Variants in ATP6V0A1 observed in about 807,000 individuals in gnomAD.
ATP6V0A1 encodes V-type proton ATPase 116 kDa subunit a 1.
In ATP6V0A1, 43 loss-of-function variants were observed where a neutral mutation model predicts 105.4. That is an observed-to-expected ratio of 0.41 (90% CI 0.32 to 0.53). The LOEUF is 0.53. Among genes scored for constraint, ATP6V0A1 ranks in the 20% least tolerant of loss-of-function variants. ATP6V0A1 has a pLI of 0.30. For synonymous variants in ATP6V0A1, 362 were observed against 372.8 expected, an observed-to-expected ratio of 0.97 and a Z score of 0.33; for missense variants, 676 against 1,051.1, an observed-to-expected ratio of 0.64 and a Z score of 4.93.
At chr17:42,504,699 G>A (rs1236234054) in intron 17 of ATP6V0A1, among the ~76,000 whole-genome samples, 1 of 152,178 alleles carries the variant, frequency 6.6e-6, no homozygotes, top group South Asian at 2.1e-4. Flanking sequence ...AGAAATAAAA[G>A]TGGCCCATAA....
chr17:42,494,198 G>A, intron 11 of ATP6V0A1, 136 bp from the exon 12 acceptor site: 1 of 846,580 alleles, frequency 1.2e-6, no homozygotes. Context: ...AGCCAAGATT[G>A]AGACATTGCT....
At chr17:42,489,644 C>T (rs1025529282) in intron 10 of ATP6V0A1, among the ~76,000 whole-genome samples, 2 of 152,026 alleles carry the variant, frequency 1.3e-5, no homozygotes, top group African/African-American at 2.4e-5. Flanking sequence ...TTTGAGGCAT[C>T]AAAGCTGACT....
At chr17:42,510,871 G>A (rs2092314944) in intron 19 of ATP6V0A1, 1 of 152,166 alleles carries the variant, frequency 6.6e-6, no homozygotes. Context: ...AGTGTCTGTA[G>A]GATAAGTTGG....
chr17:42,503,024 CT>C (rs1446029666), intron 17 of ATP6V0A1, among the ~76,000 whole-genome samples: 2 of 152,182 alleles, frequency 1.3e-5, no homozygotes, highest in Non-Finnish European at 2.9e-5. Flanking sequence ...GAAGTTCCAC[CT>C]CTTAAGAATA....
chr17:42,517,633 G>A (rs573572270), intron 21 of ATP6V0A1, among the ~76,000 whole-genome samples: 135 of 152,288 alleles, frequency 8.9e-4, no homozygotes, highest in Non-Finnish European at 1.6e-3. Flanking sequence ...GTGCTTGTGC[G>A]CCCCCTCCTG....
chr17:42,483,046 C>T lies in ATP6V0A1; in HGVS notation c.725C>T (p.Ala242Val). 1 of 1,502,376 alleles carries T rather than the reference C, an allele frequency of 6.7e-7. No homozygotes were observed. Among genetic ancestry groups the T allele is most frequent in the African/African-American group, 1.4e-5 (1 of 71,090 alleles). 93.1% of individuals were successfully genotyped at this position (1,502,376 alleles called of 1,614,324 possible). A position where few individuals can be genotyped will look rare whatever the true frequency, so the allele number is the denominator to read the frequency against. Residue 242 changes from alanine (A) to valine (V), a missense_variant, in exon 9 of 22, where the codon GCC becomes GTC. This residue lies in a region of ATP6V0A1 where 239 missense variants were observed against 388.4 expected (regional missense o/e 0.62). Coordinates refer to ENST00000343619, the MANE Select transcript of ATP6V0A1 (RefSeq NM_001130021.3). ...ATGTTCTTATATTCCAGGTTCCGAGCCTCACTCTATCCCTGTCCTGAGACA... is the reference window on the plus strand; with the variant it reads ...ATGTTCTTATATTCCAGGTTCCGAGTCTCACTCTATCCCTGTCCTGAGACA... ...RVKKICEGFR[A>V]SLYPCPETPQ... is the part of the protein sequence containing the mutation.
intron 4 of ATP6V0A1, 66 bp from the exon 5 acceptor site, chr17:42,470,024 T>G: frequency 7.0e-7 from 1 of 1,435,962 alleles, no homozygotes; most frequent in Non-Finnish European, 9.4e-7. Context: ...GTGGGATGAA[T>G]TCATTTAATG....
At chr17:42,496,757 G>C (rs1404483594) in intron 14 of ATP6V0A1, among the ~76,000 whole-genome samples, 1 of 152,034 alleles carries the variant, frequency 6.6e-6, no homozygotes, top group African/African-American at 2.4e-5. Flanking sequence ...AATTGCTTGC[G>C]CCCGGGAGGA....
At chr17:42,484,020 G>A (rs1315710476) in intron 9 of ATP6V0A1, among the ~76,000 whole-genome samples, 3 of 151,650 alleles carry the variant, frequency 2.0e-5, no homozygotes, top group Admixed American at 2.0e-4. Context: ...GCCCAGCCAA[G>A]TCTGAGATAG....
intron 14 of ATP6V0A1, chr17:42,496,358 A>G (rs1215680491): frequency 6.6e-6 from 1 of 152,200 alleles, no homozygotes; most frequent in African/African-American, 2.4e-5. Context: ...CAAAGCAGAA[A>G]TATATTTTTC....
In ATP6V0A1 at chr17:42,460,705, T is replaced by C; in HGVS notation, c.-47-143T>C. ...GCCTTTGCAATTTCTCCTTTCCATC[T>C]TTCTAGACAGGGTGTCAAAAACAGT... is the stretch of plus-strand genomic sequence containing the variant. On this transcript the variant is annotated intron_variant, in intron 1 of 21. Coordinates refer to ENST00000343619, the MANE Select transcript of ATP6V0A1 (RefSeq NM_001130021.3). The C allele has an allele frequency of 5.8e-6, 3 of 521,664 alleles. No homozygotes were observed. In the South Asian group the frequency reaches 7.4e-5, roughly 13 times the overall value. The allele number at this position is 521,664 out of a possible 1,614,324, so 32.3% of individuals were successfully genotyped here.
At chr17:42,509,318 C>T (rs1030871030) in intron 19 of ATP6V0A1, among the ~76,000 whole-genome samples, 1 of 152,202 alleles carries the variant, frequency 6.6e-6, no homozygotes, top group Admixed American at 6.5e-5. Context: ...CAGTAATTCA[C>T]TTAGCAACAT....
At position 42,483,057 on chromosome 17, in the gene ATP6V0A1, C is replaced by G; in HGVS notation, c.736C>G (p.Pro246Ala). Residue 246 changes from proline to alanine, a missense_variant, in exon 9 of 22, where the codon CCC (proline) becomes GCC (alanine). By Grantham distance (27) the Pro-to-Ala change is conservative. Around this residue, in one of 3 missense-constraint regions of ATP6V0A1, gnomAD observed 239 missense variants for 388.4 expected, o/e 0.62. Coordinates refer to ENST00000343619, the MANE Select transcript of ATP6V0A1 (RefSeq NM_001130021.3). ...TTCCAGGTTCCGAGCCTCACTCTATCCCTGTCCTGAGACACCACAGGAGAG... is the reference window on the plus strand; with the variant it reads ...TTCCAGGTTCCGAGCCTCACTCTATGCCTGTCCTGAGACACCACAGGAGAG... ...ICEGFRASLY[P>A]CPETPQERKE... is the part of the protein sequence containing the mutation. 6.4e-7 allele frequency: 1 copy of G among 1,558,394 alleles called. No homozygotes were observed. The highest frequency in any genetic ancestry group is 8.7e-7 in the Non-Finnish European group (1 of 1,149,664).
chr17:42,478,036 A>C (rs2088978290), intron 6 of ATP6V0A1, among the ~76,000 whole-genome samples: 1 of 152,168 alleles, frequency 6.6e-6, no homozygotes, highest in Non-Finnish European at 1.5e-5. Flanking sequence ...TAGCCATAAA[A>C]AATGATGAGT....
chr17:42,463,361 T>A (rs2086668451), intron 2 of ATP6V0A1, among the ~76,000 whole-genome samples: 1 of 152,178 alleles, frequency 6.6e-6, no homozygotes, highest in South Asian at 2.1e-4. Context: ...AGTCAGTTGC[T>A]ACCCTTCATA....
intron 21 of ATP6V0A1, among the ~76,000 whole-genome samples, chr17:42,517,576 C>T (rs769194378): frequency 2.0e-5 from 3 of 152,218 alleles, no homozygotes; most frequent in Admixed American, 6.5e-5. Flanking sequence ...TCCCGTGACA[C>T]GAGTGGGGCG....
At position 42,458,962 on chromosome 17, in the gene ATP6V0A1, A is replaced by T. The variant is rs1342384734; in HGVS notation, c.-49A>T. On this transcript the variant is annotated splice_region_variant and 5_prime_UTR_variant, in exon 1 of 22. Coordinates refer to ENST00000343619, the MANE Select transcript of ATP6V0A1 (RefSeq NM_001130021.3). ...TGGCGGTTGCTGTGGCGGAGTTTGG[A>T]GGTGAGTGGGGGCTGTAGGTTTAGC... The T allele has an allele frequency of 6.5e-6, 1 of 152,866 alleles. No homozygotes were observed. The highest frequency in any genetic ancestry group is 6.5e-5 in the Admixed American group (1 of 15,294). 9.5% of individuals were successfully genotyped at this position (152,866 alleles called of 1,614,324 possible). A position where few individuals can be genotyped will look rare whatever the true frequency, so the allele number is the denominator to read the frequency against.
intron 12 of ATP6V0A1, chr17:42,494,724 A>G: frequency 5.9e-6 from 3 of 504,774 alleles, no homozygotes; most frequent in Non-Finnish European, 6.9e-6. Flanking sequence ...CATAGGCAAC[A>G]TAGTGAGACC....
intron 21 of ATP6V0A1, chr17:42,520,737 CTG>C: frequency 2.3e-6 from 1 of 434,740 alleles, no homozygotes; most frequent in Non-Finnish European, 4.4e-6. Flanking sequence ...CTCAAGGTAA[CTG>C]AACTTTTTTT....
Sources: allele counts gnomAD v4.1 joint callset (sites outside exome capture counted in the v4.1 genomes callset), GRCh38; gene constraint gnomAD v4.1.1; regional missense constraint gnomAD v4.1.1; transcripts MANE v1.5; gene names NCBI Gene and HGNC (gene_info 2026-07-23, HGNC 2026-07-21).